TIMP3: variants seen among roughly 807,000 people sequenced by gnomAD.
TIMP3 encodes the protein TIMP metallopeptidase inhibitor 3, also known as metalloproteinase inhibitor 3.
Under a neutral mutation model 30.0 loss-of-function variants are expected in TIMP3, and 11 were observed. That is an observed-to-expected ratio of 0.37 (90% CI 0.23 to 0.61). TIMP3 has a LOEUF of 0.61. Ranked by LOEUF, TIMP3 falls within the 20% of genes least tolerant of loss-of-function variation. The pLI, the probability that TIMP3 is intolerant of heterozygous loss-of-function variation, is 0.70. For synonymous variants in TIMP3, 112 were observed against 111.3 expected (o/e 1.01, Z -0.04); for missense variants, 181 against 276.8 (o/e 0.65, Z 2.45).
intron 1 of TIMP3, among the ~76,000 whole-genome samples, chr22:32,816,559 T>C (rs1471309782): frequency 6.6e-6 from 1 of 152,200 alleles, no homozygotes; most frequent in East Asian, 1.9e-4. Flanking sequence ...AGTTCAAATG[T>C]CAGGGAAAGA....
Position 32,862,693 on chromosome 22 carries a change from A to C in TIMP3, c.*3316A>C, listed in dbSNP as rs1429595361. 4.6e-5 allele frequency: 7 copies of C among 152,514 alleles called. No individual in the cohort carries two copies. The highest frequency in any genetic ancestry group is 8.8e-5 in the Non-Finnish European group (6 of 68,048). The allele number at this position is 152,514 out of a possible 1,614,324, so 9.4% of individuals were successfully genotyped here. Reference sequence around the variant, plus strand: ...AAGTAGGGGAGGTGGATGTGACAACAACTTCCAAATTGGCTCTTTGGAGGC... The same window carrying C: ...AAGTAGGGGAGGTGGATGTGACAACCACTTCCAAATTGGCTCTTTGGAGGC... On this transcript the variant is annotated 3_prime_UTR_variant, in exon 5 of 5. Coordinates refer to ENST00000266085, the MANE Select transcript of TIMP3 (RefSeq NM_000362.5).
chr22:32,835,145 A>G (rs2047693056), intron 1 of TIMP3, among the ~76,000 whole-genome samples: 1 of 152,230 alleles, frequency 6.6e-6, no homozygotes, highest in Non-Finnish European at 1.5e-5. Flanking sequence ...TGTTGCAGCT[A>G]ATTGCACATA....
In TIMP3 at chr22:32,860,562, A is replaced by G. The variant is rs2048507164; in HGVS notation, c.*1185A>G. The G allele has an allele frequency of 1.3e-5, 2 of 152,588 alleles. No individual in the cohort carries two copies. The highest frequency in any genetic ancestry group is 2.9e-5 in the Non-Finnish European group (2 of 68,026). 9.5% of individuals were successfully genotyped at this position (152,588 alleles called of 1,614,324 possible). On this transcript the variant is annotated 3_prime_UTR_variant, in exon 5 of 5. Coordinates refer to ENST00000266085, the MANE Select transcript of TIMP3 (RefSeq NM_000362.5). ...TTTTTCATTTTAATTAAAATTTGAA[A>G]TTCTGAACACCGTCAGCACCCTCTC...
chr22:32,858,984 A>G (rs900007976), intron 4 of TIMP3, among the ~76,000 whole-genome samples, 196 bp from the exon 5 acceptor site: 1 of 152,224 alleles, frequency 6.6e-6, no homozygotes, highest in Non-Finnish European at 1.5e-5. Context: ...AAAGAGAATA[A>G]TATCAAAGCA....
At chr22:32,851,510 G>A (rs1432911679) in intron 2 of TIMP3, among the ~76,000 whole-genome samples, 2 of 152,076 alleles carry the variant, frequency 1.3e-5, no homozygotes, top group East Asian at 3.9e-4. Flanking sequence ...GGGCTTAGAA[G>A]ACACACTCCC....
In TIMP3 at chr22:32,859,168, A is replaced by T. The variant is rs569856603; in HGVS notation, c.439-12A>T. 1.2e-6 allele frequency: 2 copies of T among 1,614,120 alleles called. No individual in the cohort carries two copies. Among genetic ancestry groups the T allele is most frequent in the South Asian group, 2.2e-5 (2 of 91,078 alleles). On this transcript the variant is annotated splice_polypyrimidine_tract_variant and intron_variant, in intron 4 of 4. Transcript: ENST00000266085. ...CAGAGTCCATCAACTGCTGCCTGTT[A>T]TCTAATTGCAGATCAAGTCCTGCTA...
intron 1 of TIMP3, among the ~76,000 whole-genome samples, chr22:32,812,363 A>G (rs1342394942): frequency 1.3e-5 from 2 of 152,220 alleles, no homozygotes; most frequent in East Asian, 3.9e-4. Flanking sequence ...GTGAGCTGAG[A>G]TACTTTATCA....
chr22:32,849,562 G>T, intron 2 of TIMP3, 28 bp downstream of exon 2: 1 of 1,604,908 alleles, frequency 6.2e-7, no homozygotes, highest in South Asian at 1.1e-5. Context: ...CCTGGCTCCG[G>T]GAAGGTTTTT....
chr22:32,803,697 G>A (rs1018790954), intron 1 of TIMP3, among the ~76,000 whole-genome samples: 3 of 152,206 alleles, frequency 2.0e-5, no homozygotes, highest in Non-Finnish European at 4.4e-5. Flanking sequence ...GATTAGTGTG[G>A]GGAGTTGCTG....
chr22:32,809,673 C>T (rs963187243), intron 1 of TIMP3, among the ~76,000 whole-genome samples: 4 of 152,216 alleles, frequency 2.6e-5, no homozygotes, highest in Non-Finnish European at 4.4e-5. Flanking sequence ...ACTAGCCAGT[C>T]ATTATTCTGA....
rs766674644 is a variant in TIMP3, at chr22:32,860,913, GTTTTTTT to G, written c.*1547_*1553del. 2.2e-5 allele frequency: 3 copies of G among 135,774 alleles called. No homozygotes were observed. The highest frequency in any genetic ancestry group is 4.7e-4 in the South Asian group (2 of 4,270). The allele number at this position is 135,774 out of a possible 1,614,324, so 8.4% of individuals were successfully genotyped here. ...CAACCAGTTGTAGGGTTTCTGTTGT[GTTTTTTT>G]TTTTTTTTTTGAAATAAAACTATAA... On this transcript the variant is annotated 3_prime_UTR_variant, in exon 5 of 5. Coordinates refer to ENST00000266085, the MANE Select transcript of TIMP3 (RefSeq NM_000362.5).
Position 32,801,846 on chromosome 22 carries a change from C to A in TIMP3, c.-156C>A, listed in dbSNP as rs1602182591. ...GCAGCCTCGCTGCGCCCCATCCCGT[C>A]CCGCCGGGCACTCGGAGGGCAGCGC... On this transcript the variant is annotated 5_prime_UTR_variant, in exon 1 of 5. Coordinates refer to ENST00000266085, the MANE Select transcript of TIMP3 (RefSeq NM_000362.5). The surrounding 1 kb of genome is among the most constrained non-coding windows in gnomAD (Gnocchi z 4.7). 1 of 974,924 alleles carries A rather than the reference C, an allele frequency of 1.0e-6. No individual in the cohort carries two copies. Among genetic ancestry groups the A allele is most frequent in the Non-Finnish European group, 1.3e-6 (1 of 761,728 alleles). 60.4% of individuals were successfully genotyped at this position (974,924 alleles called of 1,614,324 possible).
chr22:32,847,955 C>A (rs560483028), intron 1 of TIMP3, among the ~76,000 whole-genome samples: 2 of 152,246 alleles, frequency 1.3e-5, no homozygotes, highest in South Asian at 4.1e-4. Context: ...TGGCAGCCCC[C>A]CTGCCTTTTG....
chr22:32,854,794 T>C (rs1206211163), intron 2 of TIMP3, among the ~76,000 whole-genome samples: 1 of 152,122 alleles, frequency 6.6e-6, no homozygotes, highest in Non-Finnish European at 1.5e-5. Flanking sequence ...TGGCAAGCCT[T>C]GGGGGAGAAG....
intron 1 of TIMP3, among the ~76,000 whole-genome samples, chr22:32,830,838 C>T (rs2047552277): frequency 6.6e-6 from 1 of 152,192 alleles, no homozygotes; most frequent in African/African-American, 2.4e-5. Flanking sequence ...GTGTTTCCTG[C>T]AAATCCTGCT....
At chr22:32,802,410 G>T (rs1377368518) in intron 1 of TIMP3, among the ~76,000 whole-genome samples, 2 of 152,028 alleles carry the variant, frequency 1.3e-5, no homozygotes, top group African/African-American at 4.8e-5. Context: ...TCTGGAAAAT[G>T]TCCCCATTCA....
intron 1 of TIMP3, among the ~76,000 whole-genome samples, chr22:32,814,339 G>GAAAGAAAGAA (rs369652077): frequency 1.1e-3 from 11 of 10,354 alleles, no homozygotes; most frequent in Non-Finnish European, 1.5e-3. Context: ...AAGAAAGAAA[G>GAAAGAAAGAA]AGAAAGAAAG....
intron 1 of TIMP3, among the ~76,000 whole-genome samples, chr22:32,842,805 C>T (rs1340244741): frequency 6.6e-6 from 1 of 152,120 alleles, no homozygotes; most frequent in Non-Finnish European, 1.5e-5. Flanking sequence ...TACTGTTATA[C>T]TGCTGATGGC....
chr22:32,858,000 C>G lies in TIMP3; in HGVS notation c.317-17C>G. 6.2e-7 allele frequency: 1 copy of G among 1,614,172 alleles called. No individual in the cohort carries two copies. The highest frequency in any genetic ancestry group is 8.5e-7 in the Non-Finnish European group (1 of 1,180,022). On this transcript the variant is annotated splice_polypyrimidine_tract_variant and intron_variant, in intron 3 of 4. Transcript: ENST00000266085. ...GGACAAAACAACCTCTCCTTGTTTT[C>G]TTCTTTCCTCCTGTAGGTCGCGTCT...
Sources: allele counts gnomAD v4.1 joint callset (sites outside exome capture counted in the v4.1 genomes callset), GRCh38; gene constraint gnomAD v4.1.1; non-coding constraint Gnocchi (gnomAD v3.1); transcripts MANE v1.5; gene names NCBI Gene and HGNC (gene_info 2026-07-23, HGNC 2026-07-21).